Variants in ZNF124 observed in about 807,000 individuals in gnomAD.
ZNF124 encodes zinc finger protein 124.
In ZNF124, 25 loss-of-function variants were observed where a neutral mutation model predicts 26.6. That is an observed-to-expected ratio of 0.94 (90% CI 0.68 to 1.31). The LOEUF is 1.31. Among genes scored for constraint, ZNF124 ranks in the 40% most tolerant of loss-of-function variants. The pLI, the probability that ZNF124 is intolerant of heterozygous loss-of-function variation, is 0.00. For missense variants in ZNF124, 444 were observed against 422.2 expected, an observed-to-expected ratio of 1.05 and a Z score of -0.45; for synonymous variants, 129 against 133.3, an observed-to-expected ratio of 0.97 and a Z score of 0.22.
intron 3 of ZNF124, among the ~76,000 whole-genome samples, chr1:247,143,527 A>G (rs1395312138): frequency 6.6e-6 from 1 of 152,202 alleles, no homozygotes; most frequent in Non-Finnish European, 1.5e-5. Flanking sequence ...TTTATTTACT[A>G]CACACAGACT....
rs1673917079 is a variant in ZNF124, at chr1:247,168,665, A to G, written c.30+3183T>C. 6.6e-6 allele frequency among the ~76,000 whole-genome samples: 1 copy of G among 152,236 alleles called. No individual in the cohort carries two copies. Among genetic ancestry groups the G allele is most frequent in the South Asian group, 2.1e-4 (1 of 4,834 alleles). ...GGGGATAAAGAAAATGTGGTGGAATACTACTCAGCCATAAAAAGGAATGAA... is the reference window on the plus strand; with the variant it reads ...GGGGATAAAGAAAATGTGGTGGAATGCTACTCAGCCATAAAAAGGAATGAA... On this transcript the variant is annotated intron_variant, in intron 1 of 3. Coordinates refer to ENST00000543802, the MANE Select transcript of ZNF124 (RefSeq NM_001297568.2). This position sits in a 1 kb window ranked among gnomAD's most constrained non-coding sequence, Gnocchi z 4.0.
chr1:247,123,763 G>A, exon 4 of ZNF124: 1 of 684,248 alleles, frequency 1.5e-6, no homozygotes, highest in South Asian at 1.5e-5. Flanking sequence ...GCTTGCAGAG[G>A]TGCATGGGCT....
At chr1:247,151,048 G>GT (rs1404608171), downstream of ZNF124, among the ~76,000 whole-genome samples, 15 of 152,106 alleles carry the variant, frequency 9.9e-5, no homozygotes, top group African/African-American at 2.7e-4. Context: ...GATGAGCAAA[G>GT]TAAGTCTTCA....
At position 247,156,755 on chromosome 1, in the gene ZNF124, G is replaced by C. The variant is rs768225770; in HGVS notation, c.867C>G (p.Pro289=). 3 of 1,613,142 alleles carry C rather than the reference G, an allele frequency of 1.9e-6. No individual in the cohort carries two copies. The highest frequency in any genetic ancestry group is 2.2e-5 in the South Asian group (2 of 90,956). Residue 289 remains proline, a synonymous_variant, in exon 4 of 4, where the codon CCC becomes CCG. Coordinates refer to ENST00000543802, the MANE Select transcript of ZNF124 (RefSeq NM_001297568.2). ...KHEKTHIAQK[P]YVCNNCGKGF... is the part of the protein sequence containing the mutation. ...CTTTACCACAATTGTTACATACATAGGGTTTCTGTGCAATATGAGTTTTCT... is the reference window on the plus strand; with the variant it reads ...CTTTACCACAATTGTTACATACATACGGTTTCTGTGCAATATGAGTTTTCT...
At chr1:247,133,708 C>T (rs1177154506) in intron 3 of ZNF124, among the ~76,000 whole-genome samples, 1 of 143,076 alleles carries the variant, frequency 7.0e-6, no homozygotes, top group Admixed American at 7.2e-5. Context: ...GGCTGGGGTG[C>T]AGTGGTGCGA....
chr1:247,166,248 T>C (rs1021716022), intron 1 of ZNF124, among the ~76,000 whole-genome samples: 2 of 152,144 alleles, frequency 1.3e-5, no homozygotes, highest in Admixed American at 1.3e-4. Flanking sequence ...GAAAAGGGAA[T>C]GCTTATACAC....
chr1:247,169,559 G>A (rs1307704716), intron 1 of ZNF124, among the ~76,000 whole-genome samples: 31 of 151,980 alleles, frequency 2.0e-4, no homozygotes, highest in Admixed American at 1.9e-3. Flanking sequence ...ACCCCATCCT[G>A]CTCAGGGAAG....
chr1:247,168,912 C>G lies in ZNF124; in HGVS notation c.30+2936G>C, dbSNP rs577015956. ...GGTACAGCGTACACTGATAAGGTGACAGGACCAAAATCTCAGCAATCACCA... is the reference window on the plus strand; with the variant it reads ...GGTACAGCGTACACTGATAAGGTGAGAGGACCAAAATCTCAGCAATCACCA... On this transcript the variant is annotated intron_variant, in intron 1 of 3. Coordinates refer to ENST00000543802, the MANE Select transcript of ZNF124 (RefSeq NM_001297568.2). The surrounding 1 kb of genome is among the most constrained non-coding windows in gnomAD (Gnocchi z 4.0). Among the ~76,000 whole-genome samples the G allele has an allele frequency of 6.6e-4, 100 of 152,166 alleles. 1 individual carries two copies. The highest frequency in any genetic ancestry group is 1.7e-3 in the South Asian group (8 of 4,810).
intron 3 of ZNF124, among the ~76,000 whole-genome samples, chr1:247,144,136 A>G (rs1672701406): frequency 6.6e-6 from 1 of 152,212 alleles, no homozygotes; most frequent in Non-Finnish European, 1.5e-5. Context: ...TCAGAAAGAC[A>G]AAAAGTTATT....
At chr1:247,172,080 G>A (rs1242982479), upstream of ZNF124, 2 of 102,722 alleles carry the variant, frequency 1.9e-5, no homozygotes, top group Admixed American at 2.1e-4. Context: ...TCCCCGCCCC[G>A]GTGCCCCTGA....
At position 247,142,395 on chromosome 1, in the gene ZNF124, A is replaced by G. The variant is rs1230977767; in HGVS notation, c.218+16611T>C. Among the ~76,000 whole-genome samples the G allele has an allele frequency of 2.6e-5, 4 of 152,356 alleles. No individual in the cohort carries two copies. In the East Asian group the frequency reaches 7.7e-4, roughly 29 times the overall value. ...ACAAATTTTGTATTTCATATAAGACATCTGATGTCTTTTGGCTGTCTTATG... is the reference window on the plus strand; with the variant it reads ...ACAAATTTTGTATTTCATATAAGACGTCTGATGTCTTTTGGCTGTCTTATG... On this transcript the variant is annotated intron_variant, in intron 3 of 3. Coordinates refer to the ZNF124 transcript ENST00000472531.
chr1:247,139,689 G>C (rs768777548), intron 3 of ZNF124, among the ~76,000 whole-genome samples: 1 of 152,158 alleles, frequency 6.6e-6, no homozygotes, highest in Non-Finnish European at 1.5e-5. Context: ...GGCAGGTCTG[G>C]TGGTAATGAA....
intron 3 of ZNF124, among the ~76,000 whole-genome samples, chr1:247,125,140 A>AATC (rs1672177520): frequency 6.6e-6 from 1 of 152,150 alleles, no homozygotes; most frequent in South Asian, 2.1e-4. Flanking sequence ...TTTCATTGCA[A>AATC]GGATAGACCA....
exon 4 of ZNF124, chr1:247,123,615 G>A (rs1047341253): frequency 1.7e-5 from 8 of 468,628 alleles, no homozygotes; most frequent in Non-Finnish European, 3.0e-5. Context: ...AGATGCGTCA[G>A]AAGCATTCTC....
At chr1:247,132,836 A>G (rs1333993431) in intron 3 of ZNF124, among the ~76,000 whole-genome samples, 3 of 151,710 alleles carry the variant, frequency 2.0e-5, no homozygotes, top group African/African-American at 7.2e-5. Flanking sequence ...TGCTCAATCA[A>G]TCACGACCTT....
chr1:247,143,640 G>A (rs1406937855), intron 3 of ZNF124, among the ~76,000 whole-genome samples: 1 of 152,178 alleles, frequency 6.6e-6, no homozygotes, highest in East Asian at 1.9e-4. Flanking sequence ...CCATCTGAGG[G>A]TAACTCTCTG....
chr1:247,160,706 A>AC (rs1292672345), intron 1 of ZNF124, among the ~76,000 whole-genome samples: 12 of 152,216 alleles, frequency 7.9e-5, no homozygotes, highest in Non-Finnish European at 1.6e-4. Context: ...AAACAAACAA[A>AC]AACACACTCT....
At position 247,159,052 on chromosome 1, in the gene ZNF124, C is replaced by A. The variant is rs774395747; in HGVS notation, c.172G>T (p.Asp58Tyr). The change falls in exon 3 of 4, where the codon GAC (aspartate) becomes TAC (tyrosine). Residue 58 changes from aspartate (D) to tyrosine (Y), a missense_variant. Coordinates refer to ENST00000543802, the MANE Select transcript of ZNF124 (RefSeq NM_001297568.2). ...NLASIGNKGE[D>Y]QSIEDQYKNS... The stretch of plus-strand genomic sequence containing the variant: ...TTGTACTGATCTTCAATGCTCTGGT[C>A]TTCCCCTTTGTTTCCTAAAATGTAG... 1 of 1,611,874 alleles carries A rather than the reference C, an allele frequency of 6.2e-7. No homozygotes were observed. Among genetic ancestry groups the A allele is most frequent in the South Asian group, 1.1e-5 (1 of 90,422 alleles).
chr1:247,141,485 G>C (rs1672625508), intron 3 of ZNF124, among the ~76,000 whole-genome samples: 1 of 152,130 alleles, frequency 6.6e-6, no homozygotes. Context: ...TAGTCTCTCG[G>C]TATGGTGGCT....
Sources: gnomAD v4.1 joint callset for allele counts (sites outside exome capture counted in the v4.1 genomes callset) on GRCh38, gnomAD v4.1.1 for gene constraint, Gnocchi (gnomAD v3.1) non-coding constraint, MANE v1.5 for transcripts, NCBI Gene and HGNC (gene_info 2026-07-23, HGNC 2026-07-21) for gene names.